Variants in GTF3C3 observed in about 807,000 individuals in gnomAD.
GTF3C3 encodes general transcription factor 3C polypeptide 3.
Under a neutral mutation model 105.2 loss-of-function variants are expected in GTF3C3, and 75 were observed. The observed-to-expected ratio is 0.71, with a 90% CI of 0.59 to 0.86. The LOEUF is 0.86. GTF3C3 is among the 40% of genes least tolerant of loss of function. The pLI is 0.00. For missense variants in GTF3C3, 856 were observed against 1,076.5 expected (o/e 0.80, Z 2.87); for synonymous variants, 335 against 370.4 (o/e 0.90, Z 1.10).
intron 8 of GTF3C3, among the ~76,000 whole-genome samples, chr2:196,783,407 T>C (rs542722318): frequency 6.6e-6 from 1 of 152,280 alleles, no homozygotes; most frequent in African/African-American, 2.4e-5. Flanking sequence ...TCAACACAAT[T>C]AAGAAGAAAA....
Position 196,791,429 on chromosome 2 carries a change from G to C in GTF3C3, c.443C>G (p.Ala148Gly). 6.2e-7 allele frequency: 1 copy of C among 1,613,676 alleles called. No homozygotes were observed. Among genetic ancestry groups the C allele is most frequent in the Non-Finnish European group, 8.5e-7 (1 of 1,179,648 alleles). The change falls in exon 4 of 18, where the codon GCT becomes GGT. Residue 148 changes from alanine to glycine, a missense_variant. Coordinates refer to ENST00000263956, the MANE Select transcript of GTF3C3 (RefSeq NM_012086.5). ...EKRPRSKLPRALRGLMGEANI... is the reference protein window; with the variant it reads ...EKRPRSKLPRGLRGLMGEANI... ...GGCTTCACCCATGAGACCTCTCAGA[G>C]CTCTGGGAAGTTTACTCCGAGGCCT...
At position 196,791,059 on chromosome 2, in the gene GTF3C3, CATAAT is replaced by C. The variant is rs375336912; in HGVS notation, c.535+273_535+277del. 1.8e-3 allele frequency among the ~76,000 whole-genome samples: 269 copies of C among 151,956 alleles called. No homozygotes were observed. In the East Asian group the frequency reaches 0.019, roughly 11 times the overall value. On this transcript the variant is annotated intron_variant, in intron 4 of 17. Transcript: ENST00000263956. Reference sequence around the variant, plus strand: ...AAGAAAGCTCTTCAAGTGGCTTTAACATAATATATTTGCCATACTGACAATTCAAA... The same window carrying C: ...AAGAAAGCTCTTCAAGTGGCTTTAACATATTTGCCATACTGACAATTCAAA...
At chr2:196,791,301 A>T in intron 4 of GTF3C3, 36 bp downstream of exon 4, 1 of 1,609,498 alleles carries the variant, frequency 6.2e-7, no homozygotes, top group Non-Finnish European at 8.5e-7. Flanking sequence ...CAGACTATTA[A>T]ACTGCTATTA....
At position 196,764,427 on chromosome 2, in the gene GTF3C3, A is replaced by AAAAAT; in HGVS notation, c.*131_*135dup. The AAAAAT allele has an allele frequency of 2.5e-6, 2 of 799,890 alleles. No individual in the cohort carries two copies. The highest frequency in any genetic ancestry group is 2.6e-5 in the East Asian group (1 of 38,082). The allele number at this position is 799,890 out of a possible 1,614,324, so 49.5% of individuals were successfully genotyped here. On this transcript the variant is annotated 3_prime_UTR_variant, in exon 18 of 18. Transcript: ENST00000263956. ...TACCACAAGATCATTATCACATATTAAAAATAAATACACTGTTTGTTAGGT... is the reference window on the plus strand; with the variant it reads ...TACCACAAGATCATTATCACATATTAAAAATAAAATAAATACACTGTTTGTTAGGT...
intron 13 of GTF3C3, 101 bp from the exon 14 acceptor site, chr2:196,773,254 A>G (rs1699207755): frequency 1.4e-6 from 1 of 733,214 alleles, no homozygotes; most frequent in Admixed American, 2.4e-5. Flanking sequence ...TTTAATAACC[A>G]TGAGCCTAAA....
chr2:196,780,464 G>A, intron 9 of GTF3C3, 95 bp downstream of exon 9: 1 of 1,402,212 alleles, frequency 7.1e-7, no homozygotes, highest in East Asian at 2.5e-5. Context: ...TAAGAAATGT[G>A]AAACTCTAGG....
At chr2:196,765,737 G>T (rs781553722) in intron 17 of GTF3C3, among the ~76,000 whole-genome samples, 1 of 151,710 alleles carries the variant, frequency 6.6e-6, no homozygotes, top group Non-Finnish European at 1.5e-5. Context: ...TGTGCCGGGC[G>T]CAGTGGCTCA....
chr2:196,780,786 C>A, intron 8 of GTF3C3, 124 bp from the exon 9 acceptor site: 2 of 1,196,342 alleles, frequency 1.7e-6, no homozygotes, highest in Non-Finnish European at 2.3e-6. Context: ...GTGTGGCCAA[C>A]TCTATTAATA....
At chr2:196,768,438 A>C (rs1699111064) in intron 16 of GTF3C3, among the ~76,000 whole-genome samples, 1 of 152,208 alleles carries the variant, frequency 6.6e-6, no homozygotes, top group Admixed American at 6.5e-5. Flanking sequence ...TACAATATTA[A>C]ATAAAAGTAG....
rs1699610690 is a variant in GTF3C3, at chr2:196,794,724, T to G, written c.215-1572A>C. 3.6e-5 allele frequency among the ~76,000 whole-genome samples: 5 copies of G among 138,750 alleles called. No homozygotes were observed. The South Asian group carries it at 1.2e-3, about 32-fold the overall frequency. 91.0% of individuals were successfully genotyped at this position (138,750 alleles called of 152,430 possible). On this transcript the variant is annotated intron_variant, in intron 2 of 17. Transcript: ENST00000263956. The stretch of plus-strand genomic sequence containing the variant: ...TGCTGGGATTACAGGCGTGAGCCAC[T>G]GAGCCCAGCCAAAAACTCTTTTTTT...
At chr2:196,792,860 T>C in intron 3 of GTF3C3, 96 bp downstream of exon 3, 1 of 758,438 alleles carries the variant, frequency 1.3e-6, no homozygotes, top group East Asian at 2.6e-5. Flanking sequence ...TTTCCTTTCG[T>C]ACAGTTTGAA....
At chr2:196,796,389 C>T (rs1019534172) in intron 2 of GTF3C3, among the ~76,000 whole-genome samples, 1 of 152,204 alleles carries the variant, frequency 6.6e-6, no homozygotes, top group African/African-American at 2.4e-5. Flanking sequence ...CAGGCACCCA[C>T]TTGTGCCTGC....
At position 196,793,054 on chromosome 2, in the gene GTF3C3, C is replaced by A. The variant is rs910043621; in HGVS notation, c.313G>T (p.Glu105Ter). The A allele has an allele frequency of 6.2e-7, 1 of 1,613,908 alleles. No homozygotes were observed. The highest frequency in any genetic ancestry group is 8.5e-7 in the Non-Finnish European group (1 of 1,179,814). The change falls in exon 3 of 18, where the codon GAG becomes TAG. Residue 105 changes from glutamate to a stop codon, truncating the protein, a stop_gained. Coordinates refer to ENST00000263956, the MANE Select transcript of GTF3C3 (RefSeq NM_012086.5). LOFTEE classifies it high-confidence loss of function. ...GGTGTTTCTTCCTCCTCCTCCTCCT[C>A]CTCCTCTTCTTCCTCTTCCTCCTCA... ...DDEEEEEEEE[E>*]EEEEEETPEQ...
chr2:196,785,475 T>C lies in GTF3C3; in HGVS notation c.1007A>G (p.Tyr336Cys), dbSNP rs138093114. 11 of 1,610,428 alleles carry C rather than the reference T, an allele frequency of 6.8e-6. No individual in the cohort carries two copies. Among genetic ancestry groups the C allele is most frequent in the East Asian group, 2.2e-5 (1 of 44,808 alleles). Residue 336 changes from tyrosine (Y) to cysteine (C), a missense_variant, in exon 7 of 18, where the codon TAT becomes TGT. Tyr to Cys is a radical substitution (Grantham distance 194). Transcript: ENST00000263956. ...MEDVNIAAEL[Y>C]ISNKQYDKAL... ...TTTGTCATACTGTTTGTTAGAAATATATAGTTCAGCTGCTATGTTAACATC... is the reference window on the plus strand; with the variant it reads ...TTTGTCATACTGTTTGTTAGAAATACATAGTTCAGCTGCTATGTTAACATC...
At chr2:196,766,455 A>G (rs1699070920) in intron 17 of GTF3C3, 110 bp downstream of exon 17, 2 of 801,812 alleles carry the variant, frequency 2.5e-6, no homozygotes, top group East Asian at 2.6e-5. Context: ...ACTGAATAAG[A>G]GAAAATACAT....
intron 16 of GTF3C3, among the ~76,000 whole-genome samples, chr2:196,769,411 G>A (rs901988771): frequency 1.3e-4 from 20 of 152,292 alleles, no homozygotes; most frequent in African/African-American, 4.6e-4. Flanking sequence ...CAATATTTCT[G>A]ATCTGCTGGA....
chr2:196,770,570 T>A (rs1391012764), intron 15 of GTF3C3, among the ~76,000 whole-genome samples: 2 of 152,216 alleles, frequency 1.3e-5, no homozygotes, highest in African/African-American at 4.8e-5. Context: ...AATAACAGAA[T>A]AAGAATTTGG....
Position 196,793,069 on chromosome 2 carries a change from C to T in GTF3C3, c.298G>A (p.Glu100Lys). Residue 100 changes from glutamate to lysine, a missense_variant, in exon 3 of 18, where the codon GAG (glutamate) becomes AAG (lysine). Glu to Lys is a moderately conservative substitution (Grantham distance 56). Around this residue, in one of 3 missense-constraint regions of GTF3C3, gnomAD observed 117 missense variants for 114.0 expected, o/e 1.03. Transcript: ENST00000263956. ...TCCTCCTCCTCCTCCTCTTCTTCCT[C>T]TTCCTCCTCATCATCTTCATTCTCT... Reference protein sequence around the residue: ...LGENEDDEEEEEEEEEEEEEE... With the variant: ...LGENEDDEEEKEEEEEEEEEE... 1 of 1,613,810 alleles carries T rather than the reference C, an allele frequency of 6.2e-7. No homozygotes were observed. Among genetic ancestry groups the T allele is most frequent in the South Asian group, 1.1e-5 (1 of 91,066 alleles).
At chr2:196,793,581 C>T (rs1699590055) in intron 2 of GTF3C3, among the ~76,000 whole-genome samples, 1 of 152,142 alleles carries the variant, frequency 6.6e-6, no homozygotes, top group South Asian at 2.1e-4. Context: ...ACTAGCTGTG[C>T]AACCTAGGGG....
Sources: gnomAD v4.1 joint callset for allele counts (sites outside exome capture counted in the v4.1 genomes callset) on GRCh38, gnomAD v4.1.1 for gene constraint, gnomAD v4.1.1 regional missense constraint, MANE v1.5 for transcripts, NCBI Gene and HGNC (gene_info 2026-07-23, HGNC 2026-07-21) for gene names.